The following DYNC1I1 variants were observed in gnomAD, a reference collection of about 807,000 sequenced individuals.
The protein encoded by DYNC1I1 is cytoplasmic dynein 1 intermediate chain 1.
A neutral mutation model predicts 86.6 loss-of-function variants in DYNC1I1; 43 were observed. The ratio of observed to expected loss-of-function variants is 0.50; its 90% confidence interval spans 0.39 to 0.64. DYNC1I1 has a LOEUF of 0.64. DYNC1I1 is among the 30% of genes least tolerant of loss of function. DYNC1I1 has a pLI of 0.00. For missense variants in DYNC1I1, 604 were observed against 788.8 expected (o/e 0.77, Z 2.81); for synonymous variants, 262 against 283.7 (o/e 0.92, Z 0.77).
At chr7:95,998,396 C>T (rs1239861482) in intron 10 of DYNC1I1, among the ~76,000 whole-genome samples, 5 of 152,340 alleles carry the variant, frequency 3.3e-5, no homozygotes, top group African/African-American at 9.6e-5. Flanking sequence ...TGGTTCTAGA[C>T]GTGGCTATCT....
intron 5 of DYNC1I1, among the ~76,000 whole-genome samples, chr7:95,856,114 GT>G (rs910955975): frequency 1.9e-4 from 29 of 151,732 alleles, no homozygotes; most frequent in East Asian, 1.2e-3. Context: ...CAAAAATACT[GT>G]TTTTTTTAAT....
intron 16 of DYNC1I1, among the ~76,000 whole-genome samples, chr7:96,093,197 A>T (rs1790898865): frequency 1.3e-5 from 2 of 152,214 alleles, no homozygotes. Flanking sequence ...AAAAGAATGC[A>T]TGACAATCCA....
At chr7:95,845,418 A>T (rs577766634) in intron 5 of DYNC1I1, among the ~76,000 whole-genome samples, 1 of 152,330 alleles carries the variant, frequency 6.6e-6, no homozygotes, top group African/African-American at 2.4e-5. Flanking sequence ...AACAGAACAG[A>T]TGTAACCCCA....
At position 95,813,405 on chromosome 7, in the gene DYNC1I1, C is replaced by A. The variant is rs1044132147; in HGVS notation, c.314+68C>A. 8 of 1,496,130 alleles carry A rather than the reference C, an allele frequency of 5.3e-6. No individual in the cohort carries two copies. The Admixed American group carries it at 1.3e-4, about 24-fold the overall frequency. 92.7% of individuals were successfully genotyped at this position (1,496,130 alleles called of 1,614,324 possible). A position where few individuals can be genotyped will look rare whatever the true frequency, so the allele number is the denominator to read the frequency against. Reference sequence around the variant, plus strand: ...AAAAAAAAAAAAAACAGCAACAACACCACTGTTAGAATACTGTGAAATGTG... The same window carrying A: ...AAAAAAAAAAAAAACAGCAACAACAACACTGTTAGAATACTGTGAAATGTG... On this transcript the variant is annotated intron_variant, in intron 4 of 16. Transcript: ENST00000447467.
intron 10 of DYNC1I1, 23 bp from the exon 11 acceptor site, chr7:96,028,152 C>T (rs763628350): frequency 9.9e-6 from 16 of 1,611,672 alleles, no homozygotes; most frequent in Non-Finnish European, 1.4e-5. Flanking sequence ...GCATCTCTCT[C>T]TCTCTCTCCT....
chr7:96,108,661 A>C (rs914965724), intron 16 of DYNC1I1, among the ~76,000 whole-genome samples: 26 of 151,994 alleles, frequency 1.7e-4, no homozygotes, highest in Non-Finnish European at 2.9e-5. Flanking sequence ...CAGGAGTTCA[A>C]GACCAGCCTG....
At chr7:95,964,097 G>A (rs1473405178) in intron 6 of DYNC1I1, among the ~76,000 whole-genome samples, 12 of 152,136 alleles carry the variant, frequency 7.9e-5, no homozygotes, top group Admixed American at 7.9e-4. Context: ...CAGGATAAAA[G>A]CAAACAAATG....
intron 16 of DYNC1I1, among the ~76,000 whole-genome samples, chr7:96,092,378 G>A (rs17776518): frequency 0.03 from 4,602 of 152,226 alleles, 223 homozygotes; most frequent in East Asian, 0.23. Context: ...TACAGTCCTA[G>A]AAGATGGATC....
chr7:95,895,740 A>C (rs1377052517), intron 6 of DYNC1I1, among the ~76,000 whole-genome samples: 3 of 152,220 alleles, frequency 2.0e-5, no homozygotes, highest in Non-Finnish European at 2.9e-5. Context: ...AAAAGTGAGA[A>C]ATGGCCATTA....
At chr7:96,109,737 A>G (rs1010747059) in intron 16 of DYNC1I1, among the ~76,000 whole-genome samples, 1 of 152,134 alleles carries the variant, frequency 6.6e-6, no homozygotes, top group Non-Finnish European at 1.5e-5. Context: ...ATTCTGTTAT[A>G]GTCAGAGAAT....
In DYNC1I1 at chr7:96,086,348, G is replaced by A. The variant is rs1790679340; in HGVS notation, c.1776+5860G>A. 2.6e-5 allele frequency among the ~76,000 whole-genome samples: 4 copies of A among 152,118 alleles called. No individual in the cohort carries two copies. In the South Asian group the frequency reaches 8.3e-4, roughly 32 times the overall value. On this transcript the variant is annotated intron_variant, in intron 16 of 16. Coordinates refer to ENST00000447467, the MANE Select transcript of DYNC1I1 (RefSeq NM_001135556.2). The stretch of plus-strand genomic sequence containing the variant: ...CAGGGAAGATTTTGTTTTCAGTTGT[G>A]ATAAATTCACACAGGTTTCAAATCC...
At chr7:96,019,382 T>C (rs1043441127) in intron 10 of DYNC1I1, among the ~76,000 whole-genome samples, 2 of 152,096 alleles carry the variant, frequency 1.3e-5, no homozygotes, top group Non-Finnish European at 2.9e-5. Flanking sequence ...AAGTGCTTTT[T>C]TTTTTTTATT....
intron 10 of DYNC1I1, among the ~76,000 whole-genome samples, chr7:96,019,099 T>C (rs543564465): frequency 3.8e-4 from 58 of 152,316 alleles, no homozygotes; most frequent in Non-Finnish European, 6.9e-4. Context: ...GTATACAACA[T>C]GATGATTTGT....
chr7:95,829,394 A>G (rs926981082), intron 5 of DYNC1I1, among the ~76,000 whole-genome samples: 1 of 152,192 alleles, frequency 6.6e-6, no homozygotes, highest in Non-Finnish European at 1.5e-5. Context: ...CTATTTAGTT[A>G]TATAGTTCAT....
chr7:95,995,063 C>T (rs1270078370), intron 9 of DYNC1I1, among the ~76,000 whole-genome samples: 4 of 151,808 alleles, frequency 2.6e-5, no homozygotes, highest in East Asian at 2.0e-4. Flanking sequence ...CTGGCTAACA[C>T]GGTGAAACCC....
At chr7:95,794,378 A>G (rs1794383217) in intron 1 of DYNC1I1, among the ~76,000 whole-genome samples, 1 of 152,226 alleles carries the variant, frequency 6.6e-6, no homozygotes, top group Admixed American at 6.5e-5. Flanking sequence ...TTCTTGAAGG[A>G]AGATACTCTA....
chr7:96,013,081 G>T (rs149957180), intron 10 of DYNC1I1, among the ~76,000 whole-genome samples: 1 of 152,160 alleles, frequency 6.6e-6, no homozygotes, highest in East Asian at 1.9e-4. Flanking sequence ...GAAATGGGGA[G>T]GTTATCCTGG....
chr7:95,877,951 G>T (rs1040618625), intron 6 of DYNC1I1, among the ~76,000 whole-genome samples: 1 of 152,204 alleles, frequency 6.6e-6, no homozygotes, highest in Admixed American at 6.5e-5. Context: ...GGATAACTAT[G>T]CACATGCCCA....
intron 16 of DYNC1I1, among the ~76,000 whole-genome samples, chr7:96,104,685 T>C (rs551792277): frequency 2.0e-5 from 3 of 152,308 alleles, no homozygotes; most frequent in Non-Finnish European, 2.9e-5. Flanking sequence ...TGTCCATATA[T>C]GTATAGGCAT....
Sources: gnomAD v4.1 joint callset for allele counts (sites outside exome capture counted in the v4.1 genomes callset) on GRCh38, gnomAD v4.1.1 for gene constraint, MANE v1.5 for transcripts, NCBI Gene and HGNC (gene_info 2026-07-23, HGNC 2026-07-21) for gene names.